The following NALF1 variants were observed in gnomAD, a reference collection of about 807,000 sequenced individuals.
NALF1 encodes the protein family with sequence similarity 155 member A.
Under a neutral mutation model 48.4 loss-of-function variants are expected in NALF1, and 3 were observed. The observed-to-expected ratio is 0.06, with a 90% CI of 0.03 to 0.16. NALF1 has a LOEUF of 0.16. NALF1 is among the 10% of genes least tolerant of loss of function. The pLI, the probability that NALF1 is intolerant of heterozygous loss-of-function variation, is 1.00. For synonymous variants in NALF1, 262 were observed against 245.7 expected, an observed-to-expected ratio of 1.07 and a Z score of -0.62; for missense variants, 526 against 571.5, an observed-to-expected ratio of 0.92 and a Z score of 0.81.
chr13:107,368,447 A>T (rs1246941668), intron 1 of NALF1, among the ~76,000 whole-genome samples: 1 of 151,744 alleles, frequency 6.6e-6, no homozygotes, highest in East Asian at 1.9e-4. Context: ...GTGCACCACC[A>T]CACCTGGCTA....
chr13:107,704,430 A>AC (rs1277914438), intron 1 of NALF1, among the ~76,000 whole-genome samples: 1 of 151,922 alleles, frequency 6.6e-6, no homozygotes, highest in African/African-American at 2.4e-5. Context: ...AATTCATTAT[A>AC]TTTTTGAAAA....
chr13:107,355,958 G>GC (rs1380100774), intron 1 of NALF1, among the ~76,000 whole-genome samples: 1 of 152,102 alleles, frequency 6.6e-6, no homozygotes, highest in Non-Finnish European at 1.5e-5. Flanking sequence ...AAAGGTTCTG[G>GC]CCCCTAAAAA....
intron 1 of NALF1, among the ~76,000 whole-genome samples, chr13:107,825,916 G>A (rs965659787): frequency 5.3e-5 from 8 of 152,104 alleles, no homozygotes; most frequent in Non-Finnish European, 1.0e-4. Flanking sequence ...AAGTAGCTAG[G>A]ATTACAGGCT....
At chr13:107,422,648 T>C (rs1389283022) in intron 1 of NALF1, among the ~76,000 whole-genome samples, 1 of 152,226 alleles carries the variant, frequency 6.6e-6, no homozygotes, top group East Asian at 1.9e-4. Flanking sequence ...CTTCCTTATC[T>C]TTGATTCAAA....
intron 1 of NALF1, among the ~76,000 whole-genome samples, chr13:107,224,557 T>C (rs957048706): frequency 2.6e-5 from 4 of 151,878 alleles, no homozygotes; most frequent in African/African-American, 9.7e-5. Flanking sequence ...TAATAAATTT[T>C]ATGTCCGTAG....
intron 1 of NALF1, among the ~76,000 whole-genome samples, chr13:107,611,397 C>G (rs1879220778): frequency 6.6e-6 from 1 of 152,180 alleles, no homozygotes; most frequent in African/African-American, 2.4e-5. Context: ...TGTGCACATT[C>G]ATATTCACGA....
chr13:107,640,744 G>C (rs1418637464), intron 1 of NALF1, among the ~76,000 whole-genome samples: 1 of 152,090 alleles, frequency 6.6e-6, no homozygotes, highest in Non-Finnish European at 1.5e-5. Flanking sequence ...TTTGGTATTT[G>C]TGTTATATCA....
At chr13:107,453,824 C>A (rs1258495104) in intron 1 of NALF1, among the ~76,000 whole-genome samples, 9 of 152,162 alleles carry the variant, frequency 5.9e-5, no homozygotes, top group Non-Finnish European at 1.5e-5. Context: ...ATGCATAAAA[C>A]TTAATGCTTT....
chr13:107,379,246 T>C (rs1360869945), intron 1 of NALF1, among the ~76,000 whole-genome samples: 2 of 152,186 alleles, frequency 1.3e-5, no homozygotes, highest in Non-Finnish European at 2.9e-5. Flanking sequence ...ACCATAGTTG[T>C]AGGCTGTTAA....
chr13:107,583,003 C>T (rs753250722), intron 1 of NALF1, among the ~76,000 whole-genome samples: 7 of 152,096 alleles, frequency 4.6e-5, no homozygotes, highest in South Asian at 4.1e-4. Flanking sequence ...TTGGAATCAT[C>T]CTTTCATCAT....
chr13:107,554,714 G>A (rs1038038545), intron 1 of NALF1, among the ~76,000 whole-genome samples: 1 of 152,202 alleles, frequency 6.6e-6, no homozygotes, highest in Non-Finnish European at 1.5e-5. Flanking sequence ...GCTTCTGACA[G>A]TGGCTCACCA....
chr13:107,518,922 T>C (rs576585632), intron 1 of NALF1, among the ~76,000 whole-genome samples: 3 of 152,208 alleles, frequency 2.0e-5, no homozygotes, highest in South Asian at 2.1e-4. Context: ...AAGTGAACCA[T>C]GAGGCCACAG....
chr13:107,401,862 T>C (rs542473827), intron 1 of NALF1, among the ~76,000 whole-genome samples: 43 of 152,272 alleles, frequency 2.8e-4, no homozygotes, highest in Non-Finnish European at 5.1e-4. Flanking sequence ...TTTATACAAA[T>C]AGTTTGATTT....
At chr13:107,442,801 C>A (rs1439664925) in intron 1 of NALF1, among the ~76,000 whole-genome samples, 3 of 151,994 alleles carry the variant, frequency 2.0e-5, no homozygotes. Context: ...ATCAATGTGA[C>A]AAATCAAAAG....
At chr13:107,648,622 T>C (rs1268631617) in intron 1 of NALF1, among the ~76,000 whole-genome samples, 1 of 152,178 alleles carries the variant, frequency 6.6e-6, no homozygotes, top group Non-Finnish European at 1.5e-5. Flanking sequence ...TTTTAGCAAA[T>C]ATAAATAAGC....
chr13:107,240,032 T>C (rs1469834674), intron 1 of NALF1, among the ~76,000 whole-genome samples: 1 of 152,212 alleles, frequency 6.6e-6, no homozygotes, highest in Non-Finnish European at 1.5e-5. Flanking sequence ...TTGGTAGGAA[T>C]GTCACTTACA....
chr13:107,731,287 TATC>T (rs1876301464), intron 1 of NALF1, among the ~76,000 whole-genome samples: 1 of 152,166 alleles, frequency 6.6e-6, no homozygotes, highest in Non-Finnish European at 1.5e-5. Context: ...ATGGCAAAAA[TATC>T]ATTTTTTACT....
intron 1 of NALF1, among the ~76,000 whole-genome samples, chr13:107,858,384 C>G (rs1346843947): frequency 6.6e-6 from 1 of 152,066 alleles, no homozygotes; most frequent in African/African-American, 2.4e-5. Context: ...GATGAAGTGA[C>G]CCTAATATTT....
intron 1 of NALF1, among the ~76,000 whole-genome samples, chr13:107,501,287 C>T (rs1455807855): frequency 2.0e-5 from 3 of 152,108 alleles, no homozygotes; most frequent in Non-Finnish European, 2.9e-5. Context: ...CCCTAAAAGA[C>T]CCCACCTCCA....
Sources: gnomAD v4.1 joint callset for allele counts (sites outside exome capture counted in the v4.1 genomes callset) on GRCh38, gnomAD v4.1.1 for gene constraint, MANE v1.5 for transcripts, NCBI Gene and HGNC (gene_info 2026-07-23, HGNC 2026-07-21) for gene names.